KCNK10: variants seen among roughly 807,000 people sequenced by gnomAD.
KCNK10 encodes potassium two pore domain channel subfamily K member 10, also known as potassium channel subfamily K member 10.
Under a neutral mutation model 47.7 loss-of-function variants are expected in KCNK10, and 25 were observed. The observed-to-expected ratio is 0.52, with a 90% CI of 0.38 to 0.73. The LOEUF (loss-of-function observed/expected upper bound fraction) is 0.73. KCNK10 is among the 30% of genes least tolerant of loss of function. The pLI, the probability that KCNK10 is intolerant of heterozygous loss-of-function variation, is 0.00. For synonymous variants in KCNK10, 303 were observed against 285.6 expected (o/e 1.06, Z -0.61); for missense variants, 563 against 714.5 (o/e 0.79, Z 2.42).
At chr14:88,227,310 G>A in intron 4 of KCNK10, 65 bp downstream of exon 4, 1 of 1,311,008 alleles carries the variant, frequency 7.6e-7, no homozygotes, top group Non-Finnish European at 1.0e-6. Flanking sequence ...CTGCCTCCTG[G>A]ATCCTGTCAG....
intron 1 of KCNK10, among the ~76,000 whole-genome samples, chr14:88,295,880 G>A (rs1038500835): frequency 2.0e-5 from 3 of 152,084 alleles, no homozygotes; most frequent in Admixed American, 6.6e-5. Context: ...CTATCACTGA[G>A]TTCCAGAGTC....
rs1451196927 is a variant in KCNK10, at chr14:88,180,249, A to G, written c.*5286T>C. 1 of 152,454 alleles carries G rather than the reference A, an allele frequency of 6.6e-6. No homozygotes were observed. The highest frequency in any genetic ancestry group is 1.5e-5 in the Non-Finnish European group (1 of 68,116). The allele number at this position is 152,454 out of a possible 1,614,324, so 9.4% of individuals were successfully genotyped here. A position where few individuals can be genotyped will look rare whatever the true frequency, so the allele number is the denominator to read the frequency against. ...TTGTACTTTCCCTAAGAACATTATG[A>G]AATCTCCCTCCCCCCACATTATTTT... On this transcript the variant is annotated 3_prime_UTR_variant, in exon 7 of 7. Transcript: ENST00000319231.
intron 1 of KCNK10, among the ~76,000 whole-genome samples, chr14:88,276,166 C>A (rs563715263): frequency 6.6e-6 from 1 of 152,050 alleles, no homozygotes; most frequent in African/African-American, 2.4e-5. Flanking sequence ...GAAATCTAAC[C>A]CTCAATGTGA....
At chr14:88,240,269 A>G (rs1001168230) in intron 3 of KCNK10, among the ~76,000 whole-genome samples, 2 of 152,220 alleles carry the variant, frequency 1.3e-5, no homozygotes, top group East Asian at 3.8e-4. Context: ...GTTAAAATCA[A>G]CAATCAAAAC....
chr14:88,284,282 G>A (rs953636321), intron 1 of KCNK10, among the ~76,000 whole-genome samples: 1 of 152,126 alleles, frequency 6.6e-6, no homozygotes, highest in Non-Finnish European at 1.5e-5. Flanking sequence ...GCATGCACCT[G>A]GGGACTGGGA....
chr14:88,294,215 G>T lies in KCNK10; in HGVS notation c.52+28532C>A, dbSNP rs575060086. Among the ~76,000 whole-genome samples, 181 of 152,320 alleles carry T rather than the reference G, an allele frequency of 1.2e-3. 1 individual carries two copies. Among genetic ancestry groups the T allele is most frequent in the African/African-American group, 4.2e-3 (176 of 41,572 alleles). ...CACCACCATGATAATTAAAGAATGA[G>T]TATCTGACCCTAGACAGGCCAATCA... On this transcript the variant is annotated intron_variant, in intron 1 of 6. Transcript: ENST00000319231.
At position 88,187,296 on chromosome 14, in the gene KCNK10, T is replaced by TTC. The variant is rs1341542651; in HGVS notation, c.1011+670_1011+671insGA. Among the ~76,000 whole-genome samples, 14 of 152,112 alleles carry TTC rather than the reference T, an allele frequency of 9.2e-5. No individual in the cohort carries two copies. In the East Asian group the frequency reaches 2.7e-3, roughly 29 times the overall value. ...CTTCCTTTCTTTTAGCTCTTTTTTT[T>TTC]CTCCTTCCTTGGCCTTCCTCCTTTC... On this transcript the variant is annotated intron_variant, in intron 6 of 6. Transcript: ENST00000319231.
intron 1 of KCNK10, among the ~76,000 whole-genome samples, chr14:88,296,710 T>C (rs997562291): frequency 6.6e-6 from 1 of 152,214 alleles, no homozygotes; most frequent in Admixed American, 6.5e-5. Context: ...GGGCTCTGCA[T>C]TCACCTTCTG....
chr14:88,272,172 T>C (rs938009458), intron 1 of KCNK10, among the ~76,000 whole-genome samples: 4 of 152,096 alleles, frequency 2.6e-5, no homozygotes, highest in African/African-American at 9.7e-5. Context: ...AGTAGCACTA[T>C]TGGGAAGATT....
intron 1 of KCNK10, among the ~76,000 whole-genome samples, chr14:88,275,275 C>T (rs1298236): frequency 0.065 from 9,913 of 151,720 alleles, 415 homozygotes; most frequent in East Asian, 0.09. Context: ...TACTCTTCCC[C>T]GTGGCCATCA....
At chr14:88,297,324 A>T (rs1339054277) in intron 1 of KCNK10, among the ~76,000 whole-genome samples, 1 of 152,224 alleles carries the variant, frequency 6.6e-6, no homozygotes, top group Non-Finnish European at 1.5e-5. Context: ...CACTTCAAAC[A>T]TTTGTTGCCA....
intron 2 of KCNK10, among the ~76,000 whole-genome samples, chr14:88,248,150 C>T (rs1886694380): frequency 6.6e-6 from 1 of 152,138 alleles, no homozygotes; most frequent in African/African-American, 2.4e-5. Context: ...TCTCTCTGCA[C>T]TTGAGATCAT....
intron 1 of KCNK10, among the ~76,000 whole-genome samples, chr14:88,288,241 A>T (rs1372540287): frequency 3.3e-5 from 5 of 152,204 alleles, no homozygotes; most frequent in Admixed American, 2.6e-4. Flanking sequence ...TTTTACACTT[A>T]GTTGTCCAAT....
intron 2 of KCNK10, among the ~76,000 whole-genome samples, chr14:88,254,608 G>C (rs141310967): frequency 4.6e-5 from 7 of 152,262 alleles, no homozygotes; most frequent in Non-Finnish European, 1.0e-4. Flanking sequence ...TTTATTCTTT[G>C]AGGATCACAA....
At chr14:88,287,691 G>C (rs938565210) in intron 1 of KCNK10, among the ~76,000 whole-genome samples, 68 of 74,746 alleles carry the variant, frequency 9.1e-4, no homozygotes, top group Admixed American at 1.4e-3. Flanking sequence ...GTGTGTGTGT[G>C]TGTGTGTGTG....
At chr14:88,202,740 G>A (rs896067208) in intron 4 of KCNK10, among the ~76,000 whole-genome samples, 2 of 150,844 alleles carry the variant, frequency 1.3e-5, no homozygotes, top group Non-Finnish European at 3.0e-5. Flanking sequence ...ACTCAGCCTG[G>A]AGCAAAAGTA....
At chr14:88,243,332 A>G (rs1252509590) in intron 2 of KCNK10, among the ~76,000 whole-genome samples, 1 of 152,162 alleles carries the variant, frequency 6.6e-6, no homozygotes, top group Non-Finnish European at 1.5e-5. Context: ...CACCTTAGAG[A>G]TGGGGAAACA....
intron 1 of KCNK10, among the ~76,000 whole-genome samples, chr14:88,307,327 T>TCA (rs112756986): frequency 0.19 from 28,009 of 148,790 alleles, 2,632 homozygotes; most frequent in East Asian, 0.27. Flanking sequence ...AAGAAGCTGA[T>TCA]CACACACACA....
At chr14:88,235,103 G>GTTCA in intron 3 of KCNK10, 1 of 456,596 alleles carries the variant, frequency 2.2e-6, no homozygotes. Context: ...CAGAAAACAG[G>GTTCA]GAGGTAGGAC....
Sources: gnomAD v4.1 joint callset for allele counts (sites outside exome capture counted in the v4.1 genomes callset) on GRCh38, gnomAD v4.1.1 for gene constraint, MANE v1.5 for transcripts, NCBI Gene and HGNC (gene_info 2026-07-23, HGNC 2026-07-21) for gene names.